Variants in RGS6 observed in about 807,000 individuals in gnomAD.
RGS6 encodes the protein regulator of G protein signaling 6, also known as regulator of G-protein signaling 6.
Under a neutral mutation model 78.5 loss-of-function variants are expected in RGS6, and 30 were observed. The observed-to-expected ratio is 0.38, with a 90% CI of 0.29 to 0.52. The LOEUF (loss-of-function observed/expected upper bound fraction) is 0.52, where lower values mean the gene tolerates loss of function less well. Ranked by LOEUF, RGS6 falls within the 20% of genes least tolerant of loss-of-function variation. RGS6 has a pLI of 0.85. For synonymous variants in RGS6, 206 were observed against 206.0 expected, an observed-to-expected ratio of 1.00 and a Z score of 0.00; for missense variants, 495 against 609.7, an observed-to-expected ratio of 0.81 and a Z score of 1.98.
At chr14:72,161,764 G>C (rs894767683) in intron 2 of RGS6, among the ~76,000 whole-genome samples, 1 of 152,208 alleles carries the variant, frequency 6.6e-6, no homozygotes, top group Non-Finnish European at 1.5e-5. Context: ...TTACAGCCAG[G>C]CTTGCTTGCA....
chr14:71,880,403 T>A, the RGS6 span, among the ~76,000 whole-genome samples: 1 of 152,204 alleles, frequency 6.6e-6, no homozygotes, highest in African/African-American at 2.4e-5. Context: ...CTCCAGGGAA[T>A]GTCAGAAGTC....
intron 2 of RGS6, among the ~76,000 whole-genome samples, chr14:72,123,095 T>C (rs1234568208): frequency 6.6e-6 from 1 of 152,130 alleles, no homozygotes; most frequent in Non-Finnish European, 1.5e-5. Context: ...GCCTCCCAGG[T>C]AGCTGGGATT....
intron 2 of RGS6, among the ~76,000 whole-genome samples, chr14:72,016,772 A>AT (rs1364428263): frequency 6.6e-6 from 1 of 151,822 alleles, no homozygotes; most frequent in Non-Finnish European, 1.5e-5. Context: ...CTTTTTTGGA[A>AT]TTTTTTTTGG....
intron 2 of RGS6, among the ~76,000 whole-genome samples, chr14:72,339,972 T>C (rs1249842103): frequency 6.6e-6 from 1 of 152,140 alleles, no homozygotes; most frequent in African/African-American, 2.4e-5. Context: ...TCCTGGGGAC[T>C]GTTCTTCTTT....
At chr14:72,022,080 C>T (rs1400637133) in intron 2 of RGS6, among the ~76,000 whole-genome samples, 1 of 152,172 alleles carries the variant, frequency 6.6e-6, no homozygotes, top group Non-Finnish European at 1.5e-5. Flanking sequence ...CCAGCTCCAT[C>T]CATGTTCCCA....
At chr14:72,063,845 G>A (rs768146587) in intron 2 of RGS6, among the ~76,000 whole-genome samples, 1 of 151,982 alleles carries the variant, frequency 6.6e-6, no homozygotes, top group Non-Finnish European at 1.5e-5. Flanking sequence ...CTAAGAAATA[G>A]AATCAAGATC....
At chr14:72,145,624 A>G (rs1431616484) in intron 2 of RGS6, among the ~76,000 whole-genome samples, 4 of 152,166 alleles carry the variant, frequency 2.6e-5, no homozygotes, top group African/African-American at 9.7e-5. Context: ...GATTACAGGC[A>G]TCTGCCACCA....
intron 3 of RGS6, among the ~76,000 whole-genome samples, chr14:72,377,308 A>G (rs1013585517): frequency 7.9e-5 from 12 of 152,244 alleles, no homozygotes; most frequent in African/African-American, 2.7e-4. Context: ...AGACAAGGGC[A>G]TTATATGATG....
chr14:71,875,638 A>G, the RGS6 span, among the ~76,000 whole-genome samples: 3 of 151,950 alleles, frequency 2.0e-5, no homozygotes, highest in African/African-American at 7.3e-5. Context: ...TTGTGTCTCT[A>G]TCTCCTTCAG....
intron 1 of RGS6, among the ~76,000 whole-genome samples, chr14:71,954,611 G>A (rs899992537): frequency 2.0e-5 from 3 of 152,078 alleles, no homozygotes; most frequent in Non-Finnish European, 4.4e-5. Context: ...ATTTTAAAAT[G>A]TACAATTGAG....
intron 13 of RGS6, among the ~76,000 whole-genome samples, chr14:72,500,105 G>A (rs1451950597): frequency 1.3e-5 from 2 of 152,230 alleles, no homozygotes; most frequent in African/African-American, 2.4e-5. Context: ...ATGTAATCAT[G>A]TAGGAAAATG....
intron 2 of RGS6, among the ~76,000 whole-genome samples, chr14:72,033,238 A>G (rs1049122146): frequency 6.6e-6 from 1 of 152,048 alleles, no homozygotes; most frequent in Non-Finnish European, 1.5e-5. Flanking sequence ...TGGGTTTTTG[A>G]TGTTGGTTAT....
intron 2 of RGS6, among the ~76,000 whole-genome samples, chr14:72,149,325 C>G (rs987937236): frequency 1.3e-5 from 2 of 152,130 alleles, no homozygotes; most frequent in African/African-American, 2.4e-5. Flanking sequence ...CAGCCATATT[C>G]AGGGTAAGGG....
At chr14:71,912,350 T>G in the RGS6 span, among the ~76,000 whole-genome samples, 1 of 152,188 alleles carries the variant, frequency 6.6e-6, no homozygotes, top group African/African-American at 2.4e-5. Flanking sequence ...GCCTGTTCAA[T>G]TGGTTGGGCT....
intron 2 of RGS6, among the ~76,000 whole-genome samples, chr14:72,293,572 A>G (rs2064068432): frequency 6.6e-6 from 1 of 152,032 alleles, no homozygotes; most frequent in Admixed American, 6.5e-5. Flanking sequence ...ATATTCTTAG[A>G]ATCCATAGGA....
intron 2 of RGS6, among the ~76,000 whole-genome samples, chr14:72,005,079 G>A (rs1284859583): frequency 1.3e-5 from 2 of 152,172 alleles, no homozygotes; most frequent in Admixed American, 1.3e-4. Context: ...GGGTCTTGCT[G>A]GCAATTAGGA....
At chr14:72,298,455 TCC>T (rs55682488) in intron 2 of RGS6, among the ~76,000 whole-genome samples, 24,201 of 69,122 alleles carry the variant, frequency 0.35, 4,148 homozygotes, top group African/African-American at 0.45. Flanking sequence ...TTTTTTTTTT[TCC>T]CCCCCTCTGA....
intron 3 of RGS6, among the ~76,000 whole-genome samples, chr14:72,358,837 G>C (rs2152775055): frequency 6.6e-6 from 1 of 152,260 alleles, no homozygotes; most frequent in East Asian, 1.9e-4. Flanking sequence ...TATGAGATTT[G>C]GGAGGGGCTG....
At chr14:72,621,869 A>C in the RGS6 span, among the ~76,000 whole-genome samples, 2,754 of 152,294 alleles carry the variant, frequency 0.018, 34 homozygotes, top group Non-Finnish European at 0.027. Context: ...TGATACAGCC[A>C]CCCAATGGGA....
Sources: gnomAD v4.1 joint callset for allele counts (sites outside exome capture counted in the v4.1 genomes callset) on GRCh38, gnomAD v4.1.1 for gene constraint, MANE v1.5 for transcripts, NCBI Gene and HGNC (gene_info 2026-07-23, HGNC 2026-07-21) for gene names.